SCUBE3: variants seen among roughly 807,000 people sequenced by gnomAD.
The protein encoded by SCUBE3 is signal peptide, CUB and EGF-like domain-containing protein 3.
In SCUBE3, 33 loss-of-function variants were observed where a neutral mutation model predicts 116.8. The ratio of observed to expected loss-of-function variants is 0.28; its 90% CI spans 0.21 to 0.38. The LOEUF (loss-of-function observed/expected upper bound fraction) is 0.38. Among genes scored for constraint, SCUBE3 ranks in the 10% least tolerant of loss-of-function variants. SCUBE3 has a pLI of 1.00. For synonymous variants in SCUBE3, 418 were observed against 496.9 expected (o/e 0.84, Z 2.11); for missense variants, 1,007 against 1,324.8 (o/e 0.76, Z 3.72).
Position 35,245,399 on chromosome 6 carries a change from G to A in SCUBE3, c.2573G>A (p.Gly858Glu). 6.2e-7 allele frequency: 1 copy of A among 1,614,146 alleles called. No homozygotes were observed. Among genetic ancestry groups the A allele is most frequent in the East Asian group, 2.2e-5 (1 of 44,884 alleles). The change falls in exon 19 of 22, where the codon GGG becomes GAG. Residue 858 changes from glycine to glutamate, a missense_variant. Gly to Glu is a moderately conservative substitution (Grantham distance 98). Around this residue, in one of 5 missense-constraint regions of SCUBE3, gnomAD observed 118 missense variants for 196.6 expected, o/e 0.60. Transcript: ENST00000274938. The surrounding 1 kb of genome is among the most constrained non-coding windows in gnomAD (Gnocchi z 4.2). Reference protein sequence around the residue: ...EIFLPSEDECGDVLVMRKNSS... With the variant: ...EIFLPSEDECEDVLVMRKNSS... The stretch of plus-strand genomic sequence containing the variant: ...TTCCTGCCATCTGAGGATGAGTGTG[G>A]GGACGTCCTCGTCATGAGAAAGAAC...
At position 35,214,185 on chromosome 6, in the gene SCUBE3, G is replaced by A. The variant is rs1198962814; in HGVS notation, c.-234G>A. Among the ~76,000 whole-genome samples, 1 of 152,106 alleles carries A rather than the reference G, an allele frequency of 6.6e-6. No homozygotes were observed. The highest frequency in any genetic ancestry group is 2.4e-5 in the African/African-American group (1 of 41,446). ...CCGTCAGTCGCCCCTGGCGCCCCTC[G>A]CCTCGTCGCACTCTCCGCCTCGCTC... On this transcript the variant is annotated 5_prime_UTR_variant, in exon 1 of 22. Transcript: ENST00000274938. The surrounding 1 kb of genome is among the most constrained non-coding windows in gnomAD (Gnocchi z 6.3).
In SCUBE3 at chr6:35,252,482, G is replaced by A. The variant is rs967575260; in HGVS notation, c.*3777G>A. ...GTCATATCTCAAAATGTCAGAAAACGTTATAGAGCACTCGAACTTTTGTAT... is the reference window on the plus strand; with the variant it reads ...GTCATATCTCAAAATGTCAGAAAACATTATAGAGCACTCGAACTTTTGTAT... On this transcript the variant is annotated 3_prime_UTR_variant, in exon 22 of 22. Transcript: ENST00000274938. The A allele has an allele frequency of 1.3e-5, 2 of 152,188 alleles. No homozygotes were observed. Among genetic ancestry groups the A allele is most frequent in the African/African-American group, 4.8e-5 (2 of 41,444 alleles). The allele number at this position is 152,188 out of a possible 1,614,324, so 9.4% of individuals were successfully genotyped here.
intron 6 of SCUBE3, 143 bp from the exon 7 acceptor site, chr6:35,237,759 T>C: frequency 1.6e-6 from 1 of 613,358 alleles, no homozygotes; most frequent in Non-Finnish European, 3.0e-6. Flanking sequence ...GCTGGGAGCC[T>C]CCCTTGGCTT....
At chr6:35,217,943 C>T (rs900663616) in intron 1 of SCUBE3, among the ~76,000 whole-genome samples, 5 of 152,138 alleles carry the variant, frequency 3.3e-5, no homozygotes, top group African/African-American at 1.2e-4. Flanking sequence ...GGGAAAGCCT[C>T]GGGGTGGGAG....
Position 35,232,728 on chromosome 6 carries a change from C to G in SCUBE3, c.470-122C>G. On this transcript the variant is annotated intron_variant, in intron 4 of 21. Coordinates refer to ENST00000274938, the MANE Select transcript of SCUBE3 (RefSeq NM_152753.4). This position sits in a 1 kb window ranked among gnomAD's most constrained non-coding sequence, Gnocchi z 4.2. ...CTGGGACAAGGAGAGTCAGTCCCCT[C>G]GTGTTGAATTCAACCTCAGTAGAAT... 1 of 930,500 alleles carries G rather than the reference C, an allele frequency of 1.1e-6. No homozygotes were observed. Among genetic ancestry groups the G allele is most frequent in the Admixed American group, 2.1e-5 (1 of 47,026 alleles). 57.6% of individuals were successfully genotyped at this position (930,500 alleles called of 1,614,324 possible).
intron 1 of SCUBE3, chr6:35,222,663 G>A (rs746785367): frequency 6.6e-6 from 1 of 152,222 alleles, no homozygotes; most frequent in African/African-American, 2.4e-5. Context: ...AAGAATTGTA[G>A]AGGACAGCTT....
At chr6:35,234,247 T>C (rs1783667406) in intron 6 of SCUBE3, among the ~76,000 whole-genome samples, 1 of 152,182 alleles carries the variant, frequency 6.6e-6, no homozygotes, top group South Asian at 2.1e-4. Context: ...TGTGTGGGCA[T>C]AGGTGTTTAT....
chr6:35,249,135 G>C lies in SCUBE3; in HGVS notation c.*430G>C, dbSNP rs944424614. ...TTATAGGGTTGTGCCTTGCTAGTCA[G>C]GGGCCAAAATGTCCCCTGGCTCTGC... is the stretch of plus-strand genomic sequence containing the variant. On this transcript the variant is annotated 3_prime_UTR_variant, in exon 22 of 22. Coordinates refer to ENST00000274938, the MANE Select transcript of SCUBE3 (RefSeq NM_152753.4). 6.2e-6 allele frequency: 1 copy of C among 161,276 alleles called. No individual in the cohort carries two copies. The highest frequency in any genetic ancestry group is 1.4e-5 in the Non-Finnish European group (1 of 73,454). The allele number at this position is 161,276 out of a possible 1,614,324, so 10.0% of individuals were successfully genotyped here. A position where few individuals can be genotyped will look rare whatever the true frequency, so the allele number is the denominator to read the frequency against.
chr6:35,233,126 G>A lies in SCUBE3; in HGVS notation c.596-59G>A. On this transcript the variant is annotated intron_variant, in intron 5 of 21. Transcript: ENST00000274938. The surrounding 1 kb of genome is among the most constrained non-coding windows in gnomAD (Gnocchi z 5.7). ...GCAAGGGGGCCAGTACCCACATTGTGGAAAACTGTGGATGCAGGGAGGAGC... is the reference window on the plus strand; with the variant it reads ...GCAAGGGGGCCAGTACCCACATTGTAGAAAACTGTGGATGCAGGGAGGAGC... The A allele has an allele frequency of 2.7e-6, 4 of 1,489,652 alleles. No individual in the cohort carries two copies. The highest frequency in any genetic ancestry group is 1.2e-5 in the South Asian group (1 of 86,204). 92.3% of individuals were successfully genotyped at this position (1,489,652 alleles called of 1,614,324 possible). A position where few individuals can be genotyped will look rare whatever the true frequency, so the allele number is the denominator to read the frequency against.
In SCUBE3 at chr6:35,237,814, G is replaced by A. The variant is rs930229829; in HGVS notation, c.713-88G>A. 8 of 730,726 alleles carry A rather than the reference G, an allele frequency of 1.1e-5. 1 individual carries two copies. The highest frequency in any genetic ancestry group is 9.2e-5 in the South Asian group (5 of 54,104). 45.3% of individuals were successfully genotyped at this position (730,726 alleles called of 1,614,324 possible). A position where few individuals can be genotyped will look rare whatever the true frequency, so the allele number is the denominator to read the frequency against. On this transcript the variant is annotated intron_variant, in intron 6 of 21. Transcript: ENST00000274938. ...AGAGAGGCAGCTGAGGCCTTCCCTCGGGCCTCTGTGGTCTCCACTACCCTC... is the reference window on the plus strand; with the variant it reads ...AGAGAGGCAGCTGAGGCCTTCCCTCAGGCCTCTGTGGTCTCCACTACCCTC...
In SCUBE3 at chr6:35,243,703, T is replaced by A; in HGVS notation, c.2019T>A (p.Pro673=). Residue 673 remains proline (P), a synonymous_variant, in exon 16 of 22, where the codon CCT becomes CCA. Coordinates refer to ENST00000274938, the MANE Select transcript of SCUBE3 (RefSeq NM_152753.4). This position sits in a 1 kb window ranked among gnomAD's most constrained non-coding sequence, Gnocchi z 6.6. ...GGCAGCTCTCCTGCGACCTTTGCCC[T>A]GGGAGTGATGCCCACGGGCCTCTTG... ...REGQLSCDLC[P]GSDAHGPLGA... is the part of the protein sequence containing the mutation. The A allele has an allele frequency of 6.2e-7, 1 of 1,614,064 alleles. No homozygotes were observed.
rs1256503814 is a variant in SCUBE3, at chr6:35,252,885, T to C, written c.*4180T>C. ...GTTAAATGCAGAAGAAATTTCAAAA[T>C]ATTGTATTTATATCTGCCTTCCACT... On this transcript the variant is annotated 3_prime_UTR_variant, in exon 22 of 22. Transcript: ENST00000274938. 3 of 152,196 alleles carry C rather than the reference T, an allele frequency of 2.0e-5. No homozygotes were observed. The highest frequency in any genetic ancestry group is 7.2e-5 in the African/African-American group (3 of 41,456). 9.4% of individuals were successfully genotyped at this position (152,196 alleles called of 1,614,324 possible). A position where few individuals can be genotyped will look rare whatever the true frequency, so the allele number is the denominator to read the frequency against.
chr6:35,244,933 A>G lies in SCUBE3; in HGVS notation c.2401+122A>G, dbSNP rs1784267055. ...GGGGGTGGAGGAGCAGGAAAACTCC[A>G]CCTTCCACCTCTCCCCAACTCACTC... On this transcript the variant is annotated intron_variant, in intron 18 of 21. Coordinates refer to ENST00000274938, the MANE Select transcript of SCUBE3 (RefSeq NM_152753.4). The surrounding 1 kb of genome is among the most constrained non-coding windows in gnomAD (Gnocchi z 4.3). The G allele has an allele frequency of 2.1e-6, 2 of 952,472 alleles. No individual in the cohort carries two copies. Among genetic ancestry groups the G allele is most frequent in the Non-Finnish European group, 3.2e-6 (2 of 621,408 alleles). The allele number at this position is 952,472 out of a possible 1,614,324, so 59.0% of individuals were successfully genotyped here.
rs542953871 is a variant in SCUBE3, at chr6:35,243,576, C to T, written c.1910-18C>T. On this transcript the variant is annotated intron_variant, in intron 15 of 21. Transcript: ENST00000274938. The surrounding 1 kb of genome is among the most constrained non-coding windows in gnomAD (Gnocchi z 6.6). ...GAAATGCGGGGGTGGGTGGCTAGCGCGGCCGACTCTCCCTCAGTCAGCTGC... is the reference window on the plus strand; with the variant it reads ...GAAATGCGGGGGTGGGTGGCTAGCGTGGCCGACTCTCCCTCAGTCAGCTGC... 41 of 1,580,154 alleles carry T rather than the reference C, an allele frequency of 2.6e-5. No individual in the cohort carries two copies. The highest frequency in any genetic ancestry group is 1.5e-4 in the African/African-American group (11 of 74,222).
Position 35,249,018 on chromosome 6 carries a change from T to G in SCUBE3, c.*313T>G. 2.7e-5 allele frequency: 7 copies of G among 254,992 alleles called. No homozygotes were observed. Among genetic ancestry groups the G allele is most frequent in the East Asian group, 1.8e-4 (2 of 10,978 alleles). The allele number at this position is 254,992 out of a possible 1,614,324, so 15.8% of individuals were successfully genotyped here. The stretch of plus-strand genomic sequence containing the variant: ...CCACTGCCCATTTTACCAGCTCACA[T>G]TCCCGACCCCATCAGCTTGGAAGGG... On this transcript the variant is annotated 3_prime_UTR_variant, in exon 22 of 22. Coordinates refer to ENST00000274938, the MANE Select transcript of SCUBE3 (RefSeq NM_152753.4).
At chr6:35,227,291 AG>A (rs1445366095) in intron 1 of SCUBE3, among the ~76,000 whole-genome samples, 1 of 152,068 alleles carries the variant, frequency 6.6e-6, no homozygotes, top group Non-Finnish European at 1.5e-5. Context: ...ACCCACTCTA[AG>A]GGTTTTTTGT....
Position 35,244,004 on chromosome 6 carries a change from C to T in SCUBE3, c.2113C>T (p.Pro705Ser), listed in dbSNP as rs1387503209. 1.9e-6 allele frequency: 3 copies of T among 1,614,008 alleles called. No homozygotes were observed. Among genetic ancestry groups the T allele is most frequent in the Non-Finnish European group, 2.5e-6 (3 of 1,179,994 alleles). Residue 705 changes from proline (P) to serine (S), a missense_variant, in exon 17 of 22, where the codon CCC becomes TCC. By Grantham distance (74) the Pro-to-Ser change is moderately conservative. This residue lies in a region of SCUBE3 where 544 missense variants were observed against 638.9 expected (regional missense o/e 0.85). Transcript: ENST00000274938. This position sits in a 1 kb window ranked among gnomAD's most constrained non-coding sequence, Gnocchi z 4.3. ...PGQHSVDGFK[P>S]CQPCPRGTYQ... ...CCAACACTCTGTAGATGGGTTCAAG[C>T]CCTGTCAGCCATGCCCACGTGGCAC...
At chr6:35,242,395 C>T in intron 13 of SCUBE3, 75 bp downstream of exon 13, 2 of 1,135,210 alleles carry the variant, frequency 1.8e-6, no homozygotes, top group Non-Finnish European at 2.7e-6. Context: ...CCTCTGCTTC[C>T]AAAAACCCAC....
chr6:35,218,110 T>G, intron 1 of SCUBE3: 2 of 984,954 alleles, frequency 2.0e-6, no homozygotes, highest in Non-Finnish European at 2.4e-6. Flanking sequence ...ATGAGATTGT[T>G]TTTTGAAACC....
Sources: gnomAD v4.1 joint callset for allele counts (sites outside exome capture counted in the v4.1 genomes callset) on GRCh38, gnomAD v4.1.1 for gene constraint, gnomAD v4.1.1 regional missense constraint, Gnocchi (gnomAD v3.1) non-coding constraint, MANE v1.5 for transcripts, NCBI Gene and HGNC (gene_info 2026-07-23, HGNC 2026-07-21) for gene names.